Variants in SDCCAG8 observed in about 807,000 individuals in gnomAD.
SDCCAG8 encodes SHH signaling and ciliogenesis regulator SDCCAG8.
A neutral mutation model predicts 101.8 loss-of-function variants in SDCCAG8; 74 were observed. The ratio of observed to expected loss-of-function variants is 0.73; its 90% CI spans 0.60 to 0.88. SDCCAG8 has a LOEUF of 0.88. Ranked by LOEUF, SDCCAG8 falls within the 40% of genes least tolerant of loss-of-function variation. The probability of loss-of-function intolerance (pLI) is 0.00; values close to 1 mark genes in which losing one functional copy is unlikely to be tolerated. For missense variants in SDCCAG8, 787 were observed against 822.6 expected (o/e 0.96, Z 0.53); for synonymous variants, 281 against 292.9 (o/e 0.96, Z 0.41).
intron 5 of SDCCAG8, among the ~76,000 whole-genome samples, chr1:243,290,504 G>T (rs894644822): frequency 6.6e-6 from 1 of 151,968 alleles, no homozygotes; most frequent in Non-Finnish European, 1.5e-5. Context: ...TATCTTAGGG[G>T]ATTTGACTCT....
At chr1:243,422,014 G>T (rs1287372292) in intron 15 of SDCCAG8, among the ~76,000 whole-genome samples, 1 of 152,202 alleles carries the variant, frequency 6.6e-6, no homozygotes, top group Non-Finnish European at 1.5e-5. Context: ...AGGATTGGGT[G>T]CTGGCAGGGA....
intron 10 of SDCCAG8, among the ~76,000 whole-genome samples, chr1:243,335,055 C>T (rs1230506895): frequency 1.3e-5 from 2 of 152,140 alleles, no homozygotes; most frequent in Non-Finnish European, 2.9e-5. Context: ...TGGCACATTC[C>T]TCTCATGTAA....
chr1:243,347,048 T>C (rs1573463661), intron 12 of SDCCAG8, among the ~76,000 whole-genome samples: 1 of 152,258 alleles, frequency 6.6e-6, no homozygotes, highest in South Asian at 2.1e-4. Context: ...TCACTCATCA[T>C]TTTGCCAGTC....
At chr1:243,413,374 T>G (rs1415193555) in intron 13 of SDCCAG8, among the ~76,000 whole-genome samples, 2 of 152,024 alleles carry the variant, frequency 1.3e-5, no homozygotes, top group African/African-American at 4.8e-5. Flanking sequence ...CCCAGCTAAT[T>G]TGTGTATTTT....
chr1:243,341,081 G>A lies in SDCCAG8; in HGVS notation c.1264G>A (p.Val422Met). The A allele has an allele frequency of 1.9e-6, 3 of 1,613,644 alleles. No individual in the cohort carries two copies. Among genetic ancestry groups the A allele is most frequent in the East Asian group, 2.2e-5 (1 of 44,870 alleles). The change falls in exon 11 of 18, where the codon GTG becomes ATG. Residue 422 changes from valine (V) to methionine (M), a missense_variant. Transcript: ENST00000366541. ...GAATATTGCCCAACTGGAGGCCCAG[G>A]TGGAAAAGGTTACAAAGGAAAAGAT... ...SQNIAQLEAQ[V>M]EKVTKEKISA...
rs775847005 is a variant in SDCCAG8, at chr1:243,415,843, A to T, written c.1744+14A>T. The T allele has an allele frequency of 5.6e-6, 9 of 1,612,280 alleles. No individual in the cohort carries two copies. The South Asian group carries it at 9.9e-5, about 18-fold the overall frequency. The stretch of plus-strand genomic sequence containing the variant: ...ATGACAAAACTGGTAGGTGGTAGGG[A>T]AAGATTAGAGCCTGGGCACTAGCTC... On this transcript the variant is annotated intron_variant, in intron 14 of 17. Transcript: ENST00000366541.
chr1:243,442,054 T>C (rs1026684357), intron 16 of SDCCAG8, among the ~76,000 whole-genome samples: 5 of 152,216 alleles, frequency 3.3e-5, no homozygotes, highest in African/African-American at 1.2e-4. Flanking sequence ...ACTTCGTATT[T>C]TTACAAAATA....
intron 8 of SDCCAG8, among the ~76,000 whole-genome samples, chr1:243,309,763 G>T (rs892999138): frequency 6.6e-6 from 1 of 152,138 alleles, no homozygotes; most frequent in Non-Finnish European, 1.5e-5. Flanking sequence ...CCAAAGTATT[G>T]GGATTATAGA....
chr1:243,468,068 T>G (rs895906131), intron 16 of SDCCAG8, among the ~76,000 whole-genome samples: 3 of 152,184 alleles, frequency 2.0e-5, no homozygotes, highest in South Asian at 2.1e-4. Flanking sequence ...GTTGCTGCAA[T>G]AATAGGTTTA....
chr1:243,490,888 C>T (rs1260120791), intron 17 of SDCCAG8, among the ~76,000 whole-genome samples: 1 of 152,226 alleles, frequency 6.6e-6, no homozygotes, highest in Non-Finnish European at 1.5e-5. Flanking sequence ...GGGAGGGCCC[C>T]AGCAGCACCT....
intron 12 of SDCCAG8, 79 bp from the exon 13 acceptor site, chr1:243,378,642 A>G: frequency 6.7e-7 from 1 of 1,493,000 alleles, no homozygotes; most frequent in Non-Finnish European, 9.2e-7. Context: ...AATTCATGGC[A>G]AAAAATAAAA....
At chr1:243,383,906 T>C (rs1190936277) in intron 13 of SDCCAG8, among the ~76,000 whole-genome samples, 1 of 152,158 alleles carries the variant, frequency 6.6e-6, no homozygotes, top group Non-Finnish European at 1.5e-5. Flanking sequence ...CTGTTCTCTA[T>C]ACCTAGAATA....
intron 13 of SDCCAG8, among the ~76,000 whole-genome samples, chr1:243,412,569 T>G (rs956809580): frequency 6.6e-6 from 1 of 152,150 alleles, no homozygotes; most frequent in Non-Finnish European, 1.5e-5. Flanking sequence ...AGATTTTTTT[T>G]GTGTGATTTT....
rs773112579 is a variant in SDCCAG8 at position 243,270,298 on chromosome 1, G to T, written c.220+41G>T. The T allele has an allele frequency of 3.4e-5, 53 of 1,580,536 alleles. 1 individual carries two copies. In the South Asian group the frequency reaches 5.8e-4, roughly 17 times the overall value. Reference sequence around the variant, plus strand: ...AATCCTAGTCTGAATGATGCATAGTGAATTTTTTAAACTCCGTAGAATAAT... The same window carrying T: ...AATCCTAGTCTGAATGATGCATAGTTAATTTTTTAAACTCCGTAGAATAAT... On this transcript the variant is annotated intron_variant, in intron 2 of 17. Transcript: ENST00000366541.
chr1:243,459,936 A>G (rs1353299442), intron 16 of SDCCAG8, among the ~76,000 whole-genome samples: 1 of 152,128 alleles, frequency 6.6e-6, no homozygotes, highest in Non-Finnish European at 1.5e-5. Context: ...TTACCACTCA[A>G]TGGTAATAAA....
chr1:243,354,511 A>G (rs2076278172), intron 12 of SDCCAG8, among the ~76,000 whole-genome samples: 1 of 152,212 alleles, frequency 6.6e-6, no homozygotes, highest in Admixed American at 6.5e-5. Flanking sequence ...CCCACTCTGA[A>G]TTAAAATTTC....
chr1:243,417,898 A>G (rs574253706), intron 14 of SDCCAG8, 70 bp from the exon 15 acceptor site: 2 of 1,093,362 alleles, frequency 1.8e-6, no homozygotes, highest in South Asian at 1.2e-5. Context: ...TTACCACTCT[A>G]TGTATGGAAG....
chr1:243,438,436 C>T (rs1393621129), intron 16 of SDCCAG8, among the ~76,000 whole-genome samples: 2 of 147,962 alleles, frequency 1.4e-5, no homozygotes, highest in Non-Finnish European at 3.0e-5. Context: ...TACCTTGCAA[C>T]CTCAGCTCTC....
In SDCCAG8 at chr1:243,316,828, A is replaced by C. The variant is rs535395368; in HGVS notation, c.1003A>C (p.Ser335Arg). ...GGCAGATACGCAGCAAAGAGAAGCA[A>C]GTGCTTATGAACAGGTGAAACAAGT... ...SLADTQQREASAYEQVKQVLQ... is the reference protein window; with the variant it reads ...SLADTQQREARAYEQVKQVLQ... The change falls in exon 9 of 18, where the codon AGT (serine) becomes CGT (arginine). Residue 335 changes from serine (S) to arginine (R), a missense_variant. Transcript: ENST00000366541. 1.2e-6 allele frequency: 2 copies of C among 1,614,236 alleles called. No homozygotes were observed. Among genetic ancestry groups the C allele is most frequent in the East Asian group, 4.5e-5 (2 of 44,882 alleles).
Sources: allele counts gnomAD v4.1 joint callset (sites outside exome capture counted in the v4.1 genomes callset), GRCh38; gene constraint gnomAD v4.1.1; transcripts MANE v1.5; gene names NCBI Gene and HGNC (gene_info 2026-07-23, HGNC 2026-07-21).